The following BBS9 variants were observed in gnomAD, a reference collection of about 807,000 sequenced individuals.
BBS9 encodes the protein protein PTHB1.
In BBS9, 89 loss-of-function variants were observed where a neutral mutation model predicts 117.7. The ratio of observed to expected loss-of-function variants is 0.76; its 90% CI spans 0.64 to 0.90. BBS9 has a LOEUF of 0.90. BBS9 is among the 40% of genes least tolerant of loss of function. The pLI is 0.00. For synonymous variants in BBS9, 379 were observed against 370.9 expected (o/e 1.02, Z -0.25); for missense variants, 982 against 1,042.2 (o/e 0.94, Z 0.80).
intron 4 of BBS9, among the ~76,000 whole-genome samples, chr7:33,170,723 T>C (rs946019778): frequency 6.8e-6 from 1 of 147,756 alleles, no homozygotes; most frequent in African/African-American, 2.5e-5. Flanking sequence ...CAGCCCAAAA[T>C]CTCCTTAAGC....
chr7:33,583,642 C>T (rs560629697), intron 21 of BBS9, among the ~76,000 whole-genome samples: 2 of 152,122 alleles, frequency 1.3e-5, no homozygotes, highest in South Asian at 4.2e-4. Flanking sequence ...CCTTTGGGAA[C>T]ATCTAGGGTA....
chr7:33,579,378 G>A (rs1449913932), intron 21 of BBS9, among the ~76,000 whole-genome samples: 2 of 152,070 alleles, frequency 1.3e-5, no homozygotes, highest in East Asian at 1.9e-4. Flanking sequence ...GCCATCCACT[G>A]TCTCAAGTTG....
At chr7:33,299,815 A>G (rs554899253) in intron 9 of BBS9, among the ~76,000 whole-genome samples, 1 of 152,256 alleles carries the variant, frequency 6.6e-6, no homozygotes, top group African/African-American at 2.4e-5. Context: ...TAGAAACGTT[A>G]GCAAACTCTT....
At chr7:33,471,036 A>G (rs1402141935) in intron 19 of BBS9, among the ~76,000 whole-genome samples, 1 of 152,218 alleles carries the variant, frequency 6.6e-6, no homozygotes, top group Admixed American at 6.5e-5. Flanking sequence ...TCAATGTGAC[A>G]TCTTCACATG....
At chr7:33,629,023 G>A (rs960621078) in intron 21 of BBS9, among the ~76,000 whole-genome samples, 2 of 152,136 alleles carry the variant, frequency 1.3e-5, no homozygotes, top group South Asian at 2.1e-4. Context: ...ACCTGGGACA[G>A]GTATTGGAAT....
At chr7:33,524,585 C>G (rs547824049) in intron 20 of BBS9, among the ~76,000 whole-genome samples, 1 of 152,100 alleles carries the variant, frequency 6.6e-6, no homozygotes, top group African/African-American at 2.4e-5. Context: ...TCTGTGGGAT[C>G]GGTGGTGATA....
chr7:33,273,308 T>C (rs1017316493), intron 8 of BBS9, 113 bp downstream of exon 8: 73 of 1,100,856 alleles, frequency 6.6e-5, no homozygotes, highest in Non-Finnish European at 9.2e-5. Context: ...CAGTTTAATA[T>C]TGAATATGTA....
chr7:33,586,900 A>G (rs575610200), intron 21 of BBS9, among the ~76,000 whole-genome samples: 38 of 152,160 alleles, frequency 2.5e-4, no homozygotes, highest in African/African-American at 8.2e-4. Flanking sequence ...ATGTAAGATC[A>G]GGGAGGGCAG....
rs552261065 is a variant in BBS9 at position 33,631,695 on chromosome 7, G to A, written c.2522-3482G>A. ...CCTCAAAAAACCCCTCCCTTTAAAT[G>A]CAAACCAAATTCCAGCTCGATGCAA... is the stretch of plus-strand genomic sequence containing the variant. On this transcript the variant is annotated intron_variant, in intron 21 of 21. Transcript: ENST00000671952. 2.2e-3 allele frequency among the ~76,000 whole-genome samples: 341 copies of A among 152,268 alleles called. 2 individuals carry two copies. Among genetic ancestry groups the A allele is most frequent in the African/African-American group, 7.8e-3 (323 of 41,534 alleles).
intron 21 of BBS9, among the ~76,000 whole-genome samples, chr7:33,601,498 C>G (rs1417311303): frequency 6.6e-6 from 1 of 152,014 alleles, no homozygotes; most frequent in African/African-American, 2.4e-5. Flanking sequence ...TTTGCTTAAC[C>G]TTAAATTTTT....
chr7:33,369,683 G>A (rs1822492468), intron 17 of BBS9, among the ~76,000 whole-genome samples: 1 of 152,156 alleles, frequency 6.6e-6, no homozygotes. Flanking sequence ...GAGAGAGATA[G>A]GTATAAGGAG....
chr7:33,135,387 G>A (rs936669668), intron 1 of BBS9, among the ~76,000 whole-genome samples: 3 of 152,172 alleles, frequency 2.0e-5, no homozygotes, highest in African/African-American at 7.2e-5. Flanking sequence ...GTAAGTGTCC[G>A]ATTTCATTCT....
intron 19 of BBS9, among the ~76,000 whole-genome samples, chr7:33,477,533 G>A (rs1390913248): frequency 6.6e-6 from 1 of 152,090 alleles, no homozygotes; most frequent in Non-Finnish European, 1.5e-5. Flanking sequence ...AAGCTTGTGT[G>A]AATGTAAGGA....
rs137993290 is a variant in BBS9, at chr7:33,534,058, A to G, written c.2403A>G (p.Ile801Met). Residue 801 changes from isoleucine (I) to methionine (M), a missense_variant, in exon 21 of 23, where the codon ATA (isoleucine) becomes ATG (methionine). Coordinates refer to ENST00000242067, the MANE Select transcript of BBS9 (RefSeq NM_198428.3). ...QALNLNSQLN[I>M]PKDTSQLKKH... The stretch of plus-strand genomic sequence containing the variant: ...TGAACCTCAACAGCCAGCTGAACAT[A>G]CCCAAAGACACAAGCCAACTGAAGA... 30 of 1,614,054 alleles carry G rather than the reference A, an allele frequency of 1.9e-5. No individual in the cohort carries two copies. In the African/African-American group the frequency reaches 3.7e-4, roughly 20 times the overall value.
intron 21 of BBS9, among the ~76,000 whole-genome samples, chr7:33,597,979 A>G (rs1363570428): frequency 6.6e-6 from 1 of 152,014 alleles, no homozygotes; most frequent in Non-Finnish European, 1.5e-5. Context: ...GCATGCTCAC[A>G]GTCGGCCTCA....
At chr7:33,490,186 A>G (rs1345136399) in intron 19 of BBS9, among the ~76,000 whole-genome samples, 1 of 152,192 alleles carries the variant, frequency 6.6e-6, no homozygotes, top group Non-Finnish European at 1.5e-5. Flanking sequence ...GAAGAAATAC[A>G]TGGGTTTAGA....
In BBS9 at chr7:33,364,239, C is replaced by T. The variant is rs1256676586; in HGVS notation, c.1694-3528C>T. 2.2e-4 allele frequency among the ~76,000 whole-genome samples: 7 copies of T among 31,928 alleles called. 3 individuals are homozygous for T. The highest frequency in any genetic ancestry group is 6.3e-4 in the African/African-American group (4 of 6,346). 20.9% of individuals were successfully genotyped at this position (31,928 alleles called of 152,430 possible). ...CTGGGATTACAGGCGTGAGCCACCG[C>T]GCCCGGCCTTCACTATATTTTTAGA... is the stretch of plus-strand genomic sequence containing the variant. On this transcript the variant is annotated intron_variant, in intron 16 of 22. Transcript: ENST00000242067.
At chr7:33,381,568 C>T (rs1825036788) in intron 17 of BBS9, among the ~76,000 whole-genome samples, 1 of 152,152 alleles carries the variant, frequency 6.6e-6, no homozygotes, top group South Asian at 2.1e-4. Context: ...TACCTCTCTA[C>T]CCCTGCCCCG....
At chr7:33,311,386 T>A (rs1442660396) in intron 9 of BBS9, among the ~76,000 whole-genome samples, 1 of 152,194 alleles carries the variant, frequency 6.6e-6, no homozygotes, top group Non-Finnish European at 1.5e-5. Flanking sequence ...TCTGAAATAT[T>A]ATCTAATTGT....
Sources: allele counts gnomAD v4.1 joint callset (sites outside exome capture counted in the v4.1 genomes callset), GRCh38; gene constraint gnomAD v4.1.1; transcripts MANE v1.5; gene names NCBI Gene and HGNC (gene_info 2026-07-23, HGNC 2026-07-21).